GALNTL6: variants seen among roughly 807,000 people sequenced by gnomAD.
GALNTL6 encodes the protein polypeptide N-acetylgalactosaminyltransferase-like 6.
Under a neutral mutation model 73.7 loss-of-function variants are expected in GALNTL6, and 46 were observed. That is an observed-to-expected ratio of 0.62 (90% CI 0.49 to 0.80). The LOEUF (loss-of-function observed/expected upper bound fraction) is 0.80. GALNTL6 is among the 30% of genes least tolerant of loss of function. The probability of loss-of-function intolerance (pLI) is 0.00; values close to 1 mark genes in which losing one functional copy is unlikely to be tolerated. For missense variants in GALNTL6, 604 were observed against 755.0 expected (o/e 0.80, Z 2.34); for synonymous variants, 259 against 263.7 (o/e 0.98, Z 0.17).
chr4:172,782,429 T>C (rs1739417944), intron 5 of GALNTL6, among the ~76,000 whole-genome samples: 1 of 152,180 alleles, frequency 6.6e-6, no homozygotes, highest in Non-Finnish European at 1.5e-5. Flanking sequence ...AGTGAACTTA[T>C]GATGTTATCA....
intron 3 of GALNTL6, among the ~76,000 whole-genome samples, chr4:172,273,165 A>G (rs1428508696): frequency 6.6e-6 from 1 of 152,236 alleles, no homozygotes; most frequent in Non-Finnish European, 1.5e-5. Context: ...AATACATATT[A>G]TAAATCCCAT....
intron 2 of GALNTL6, among the ~76,000 whole-genome samples, chr4:172,030,260 A>G (rs1741727061): frequency 6.6e-6 from 1 of 152,070 alleles, no homozygotes; most frequent in Admixed American, 6.6e-5. Context: ...ATCGAGAAAA[A>G]CCACAATAGC....
At chr4:172,565,811 T>G (rs1347766552) in intron 5 of GALNTL6, among the ~76,000 whole-genome samples, 1 of 152,198 alleles carries the variant, frequency 6.6e-6, no homozygotes, top group Non-Finnish European at 1.5e-5. Flanking sequence ...TACTCTCTAT[T>G]TCTTCATGAT....
rs968567939 is a variant in GALNTL6 at position 173,004,208 on chromosome 4, G to A, written c.1372-4970G>A. On this transcript the variant is annotated intron_variant, in intron 10 of 12. Coordinates refer to ENST00000506823, the MANE Select transcript of GALNTL6 (RefSeq NM_001034845.3). Reference sequence around the variant, plus strand: ...CTTGAAAAAAAAAATGAGGTTATAGGGAACCTCATTTGTACCTCCTGAGCA... The same window carrying A: ...CTTGAAAAAAAAAATGAGGTTATAGAGAACCTCATTTGTACCTCCTGAGCA... 7.2e-5 allele frequency among the ~76,000 whole-genome samples: 11 copies of A among 152,046 alleles called. No individual in the cohort carries two copies. The East Asian group carries it at 2.1e-3, about 29-fold the overall frequency.
intron 4 of GALNTL6, among the ~76,000 whole-genome samples, chr4:172,325,139 C>T (rs1319717627): frequency 6.6e-6 from 1 of 151,546 alleles, no homozygotes; most frequent in African/African-American, 2.4e-5. Flanking sequence ...ACATTATTAT[C>T]AATTATGAAA....
At chr4:172,875,555 C>A (rs9637709) in intron 7 of GALNTL6, among the ~76,000 whole-genome samples, 95,001 of 151,896 alleles carry the variant, frequency 0.63, 32,569 homozygotes, top group East Asian at 0.91. Context: ...ATGTGTTCTG[C>A]CATTTTTAGG....
At chr4:172,903,315 TTAAC>T (rs1461318241) in intron 8 of GALNTL6, among the ~76,000 whole-genome samples, 1 of 152,188 alleles carries the variant, frequency 6.6e-6, no homozygotes, top group Non-Finnish European at 1.5e-5. Context: ...TGCAGGGATT[TTAAC>T]TAACTAGTCA....
intron 2 of GALNTL6, among the ~76,000 whole-genome samples, chr4:171,907,480 C>A (rs1737327448): frequency 6.6e-6 from 1 of 151,144 alleles, no homozygotes; most frequent in South Asian, 2.1e-4. Flanking sequence ...AACCACTGCT[C>A]AATGAAACAA....
intron 5 of GALNTL6, among the ~76,000 whole-genome samples, chr4:172,724,884 A>G (rs968919545): frequency 6.6e-6 from 1 of 152,184 alleles, no homozygotes; most frequent in Admixed American, 6.5e-5. Flanking sequence ...CACCAAGAAG[A>G]AGAGCAAGAA....
At chr4:172,400,632 G>A (rs1001746124) in intron 5 of GALNTL6, among the ~76,000 whole-genome samples, 1 of 152,102 alleles carries the variant, frequency 6.6e-6, no homozygotes, top group Non-Finnish European at 1.5e-5. Context: ...GCGTGTGGCA[G>A]GTCCTAGATA....
rs569469345 is a variant in GALNTL6 at position 172,930,342 on chromosome 4, G to A, written c.1042-819G>A. ...TGTACCTAAGAAAAAGATCAGTGGC[G>A]GGGGGAGAAATGAGAATGCAACTCT... is the stretch of plus-strand genomic sequence containing the variant. On this transcript the variant is annotated intron_variant, in intron 8 of 12. Coordinates refer to ENST00000506823, the MANE Select transcript of GALNTL6 (RefSeq NM_001034845.3). Among the ~76,000 whole-genome samples, 10 of 152,118 alleles carry A rather than the reference G, an allele frequency of 6.6e-5. 1 individual carries two copies. The South Asian group carries it at 8.3e-4, about 13-fold the overall frequency.
Position 172,508,100 on chromosome 4 carries a change from G to T in GALNTL6, c.553+159411G>T, listed in dbSNP as rs1242154613. 3.7e-5 allele frequency among the ~76,000 whole-genome samples: 2 copies of T among 54,706 alleles called. 1 individual carries two copies. Among genetic ancestry groups the T allele is most frequent in the Non-Finnish European group, 8.4e-5 (2 of 23,782 alleles). The allele number at this position is 54,706 out of a possible 152,430, so 35.9% of individuals were successfully genotyped here. A position where few individuals can be genotyped will look rare whatever the true frequency, so the allele number is the denominator to read the frequency against. ...TACGTTAAACAGGAAAGTATAGAGG[G>T]TGCATCATACTAAAGATTATAGAGA... On this transcript the variant is annotated intron_variant, in intron 5 of 12. Coordinates refer to ENST00000506823, the MANE Select transcript of GALNTL6 (RefSeq NM_001034845.3).
Position 172,945,063 on chromosome 4 carries a change from AAAAAAAAAAG to A in GALNTL6, c.1150-6961_1150-6952del, listed in dbSNP as rs779915345. On this transcript the variant is annotated intron_variant, in intron 9 of 12. Transcript: ENST00000506823. ...AAAAGAGCAAAATTCCATCTCAAAA[AAAAAAAAAAG>A]AAAAAAAAAGAATACTATAAGAATG... Among the ~76,000 whole-genome samples, 54 of 151,948 alleles carry A rather than the reference AAAAAAAAAAG, an allele frequency of 3.6e-4. No individual in the cohort carries two copies. In the East Asian group the frequency reaches 7.3e-3, roughly 21 times the overall value.
intron 5 of GALNTL6, among the ~76,000 whole-genome samples, chr4:172,727,384 G>A (rs182880022): frequency 1.5e-4 from 23 of 152,174 alleles, no homozygotes; most frequent in Middle Eastern, 3.4e-3. Context: ...AACTATAAAC[G>A]AATTCAGTAA....
chr4:172,865,344 G>A (rs953534536), intron 7 of GALNTL6, among the ~76,000 whole-genome samples: 1 of 152,154 alleles, frequency 6.6e-6, no homozygotes, highest in Non-Finnish European at 1.5e-5. Flanking sequence ...AAAGTCCCAT[G>A]CACAGCACCA....
intron 4 of GALNTL6, among the ~76,000 whole-genome samples, chr4:172,315,578 C>T (rs1468806018): frequency 6.6e-6 from 1 of 152,178 alleles, no homozygotes; most frequent in African/African-American, 2.4e-5. Context: ...ATTTTTTGAG[C>T]ATATACTTGA....
chr4:172,864,730 A>T (rs1463776412), intron 7 of GALNTL6, among the ~76,000 whole-genome samples: 1 of 152,192 alleles, frequency 6.6e-6, no homozygotes, highest in Non-Finnish European at 1.5e-5. Context: ...GTTACATGTG[A>T]TGTTAAGGCA....
At chr4:172,701,406 G>T (rs964924024) in intron 5 of GALNTL6, among the ~76,000 whole-genome samples, 3 of 152,110 alleles carry the variant, frequency 2.0e-5, no homozygotes, top group Non-Finnish European at 2.9e-5. Flanking sequence ...TTCAGTTACA[G>T]AATCTAAGAA....
chr4:172,233,032 T>C (rs1737122524), intron 3 of GALNTL6, among the ~76,000 whole-genome samples: 1 of 152,094 alleles, frequency 6.6e-6, no homozygotes, highest in Admixed American at 6.6e-5. Context: ...CAATCATTTT[T>C]AAAAGATAGG....
Sources: gnomAD v4.1 joint callset for allele counts (sites outside exome capture counted in the v4.1 genomes callset) on GRCh38, gnomAD v4.1.1 for gene constraint, MANE v1.5 for transcripts, NCBI Gene and HGNC (gene_info 2026-07-23, HGNC 2026-07-21) for gene names.